STAG1: variants seen among roughly 807,000 people sequenced by gnomAD.
The protein encoded by STAG1 is STAG1 cohesin complex component.
STAG1 carries 26 observed loss-of-function variants against 170.9 expected under a neutral mutation model. The observed-to-expected ratio is 0.15, with a 90% CI of 0.11 to 0.21. The LOEUF is 0.21. Ranked by LOEUF, STAG1 falls within the 10% of genes least tolerant of loss-of-function variation. The pLI, the probability that STAG1 is intolerant of heterozygous loss-of-function variation, is 1.00. For synonymous variants in STAG1, 514 were observed against 497.7 expected, an observed-to-expected ratio of 1.03 and a Z score of -0.44; for missense variants, 964 against 1,509.5, an observed-to-expected ratio of 0.64 and a Z score of 5.99.
intron 6 of STAG1, among the ~76,000 whole-genome samples, chr3:136,523,183 C>A (rs1430176570): frequency 6.6e-6 from 1 of 152,154 alleles, no homozygotes; most frequent in Non-Finnish European, 1.5e-5. Flanking sequence ...ACAGTCCCAA[C>A]AACAGTGTAA....
rs545651497 is a variant in STAG1 at position 136,521,941 on chromosome 3, A to C, written c.472-524T>G. Among the ~76,000 whole-genome samples, 5 of 152,302 alleles carry C rather than the reference A, an allele frequency of 3.3e-5. No individual in the cohort carries two copies. In the South Asian group the frequency reaches 1.0e-3, roughly 32 times the overall value. On this transcript the variant is annotated intron_variant, in intron 6 of 33. Transcript: ENST00000383202. Reference sequence around the variant, plus strand: ...CCAAATTTCCTCAAATTTTACTATGAACTTCATTTTAATACCACTTCATAC... The same window carrying C: ...CCAAATTTCCTCAAATTTTACTATGCACTTCATTTTAATACCACTTCATAC...
At chr3:136,476,938 T>A (rs187926298) in intron 10 of STAG1, among the ~76,000 whole-genome samples, 17 of 151,968 alleles carry the variant, frequency 1.1e-4, no homozygotes, top group Admixed American at 3.3e-4. Flanking sequence ...TCCTAGAAAA[T>A]TTTTTTTAAA....
At chr3:136,642,384 G>T (rs369635924) in intron 1 of STAG1, among the ~76,000 whole-genome samples, 28 of 142,522 alleles carry the variant, frequency 2.0e-4, no homozygotes, top group Admixed American at 1.5e-3. Flanking sequence ...CAATTCTCCT[G>T]CCTCAGACTC....
intron 6 of STAG1, among the ~76,000 whole-genome samples, chr3:136,532,574 C>G (rs1935427333): frequency 6.6e-6 from 1 of 152,076 alleles, no homozygotes; most frequent in South Asian, 2.1e-4. Flanking sequence ...ACACCATGAT[C>G]AAGCAAAATT....
chr3:136,677,177 A>G (rs910531911), intron 1 of STAG1, among the ~76,000 whole-genome samples: 1 of 152,230 alleles, frequency 6.6e-6, no homozygotes, highest in African/African-American at 2.4e-5. Flanking sequence ...ATAGTCATTT[A>G]TTATCAAGTA....
chr3:136,377,565 G>T, intron 23 of STAG1, 95 bp downstream of exon 23: 1 of 900,878 alleles, frequency 1.1e-6, no homozygotes, highest in Non-Finnish European at 1.8e-6. Flanking sequence ...GAATGAACAT[G>T]TGTACAAAAA....
chr3:136,466,891 T>C (rs1042762723), intron 12 of STAG1, among the ~76,000 whole-genome samples: 1 of 152,232 alleles, frequency 6.6e-6, no homozygotes, highest in Non-Finnish European at 1.5e-5. Flanking sequence ...GAATTTCATA[T>C]GCAGCCAAAC....
In STAG1 at chr3:136,750,190, ATTTTT is replaced by A. The variant is rs577436834; in HGVS notation, c.-84+2000_-84+2004del. Among the ~76,000 whole-genome samples, 515 of 152,186 alleles carry A rather than the reference ATTTTT, an allele frequency of 3.4e-3. 1 individual carries two copies. The highest frequency in any genetic ancestry group is 0.02 in the Middle Eastern group (6 of 294). On this transcript the variant is annotated intron_variant, in intron 1 of 33. Transcript: ENST00000383202. ...TAAGATACTATCCCCATTTTATTTT[ATTTTT>A]TTAAAGAGATGGAGTCTTGTATGTT...
At chr3:136,726,941 C>T (rs1239335419) in intron 1 of STAG1, among the ~76,000 whole-genome samples, 1 of 152,112 alleles carries the variant, frequency 6.6e-6, no homozygotes. Flanking sequence ...GCCATTTCTG[C>T]TAAAAAGATT....
chr3:136,387,965 T>C (rs937382720), intron 22 of STAG1, among the ~76,000 whole-genome samples: 1 of 152,160 alleles, frequency 6.6e-6, no homozygotes, highest in East Asian at 1.9e-4. Flanking sequence ...AAAATTCAGA[T>C]GGAGGACTAA....
intron 16 of STAG1, among the ~76,000 whole-genome samples, chr3:136,431,212 CT>C (rs1284307914): frequency 6.6e-6 from 1 of 151,510 alleles, no homozygotes; most frequent in Non-Finnish European, 1.5e-5. Flanking sequence ...CCCATTCCTT[CT>C]TTTTTCATTC....
chr3:136,695,300 T>TGATGCATGCTA (rs1290237829), intron 1 of STAG1, among the ~76,000 whole-genome samples: 1 of 80,484 alleles, frequency 1.2e-5, no homozygotes, highest in African/African-American at 1.3e-4. Flanking sequence ...CAGCTATGTG[T>TGATGCATGCTA]GGTGGTGCAG....
At chr3:136,398,058 T>C (rs1360659364) in intron 22 of STAG1, among the ~76,000 whole-genome samples, 6 of 151,964 alleles carry the variant, frequency 3.9e-5, no homozygotes, top group Non-Finnish European at 7.4e-5. Flanking sequence ...GCGATTCTCC[T>C]GCCTCAGCCT....
At chr3:136,636,656 T>C (rs911523365) in intron 1 of STAG1, among the ~76,000 whole-genome samples, 1 of 152,190 alleles carries the variant, frequency 6.6e-6, no homozygotes, top group African/African-American at 2.4e-5. Context: ...AATAGTTAAG[T>C]TCCTACAGCA....
chr3:136,349,294 G>A lies in STAG1; in HGVS notation c.3135C>T (p.Leu1045=). 2 of 1,613,992 alleles carry A rather than the reference G, an allele frequency of 1.2e-6. No individual in the cohort carries two copies. The highest frequency in any genetic ancestry group is 4.5e-5 in the East Asian group (2 of 44,874). The stretch of plus-strand genomic sequence containing the variant: ...TGACTAATGAATTTCTATAGGAGAT[G>A]AGTGGAAGCCATACATCCTCCCTCC... The part of the protein sequence containing the change: ...MERREDVWLP[L]ISYRNSLVTG... Residue 1045 remains leucine, a synonymous_variant, in exon 29 of 34, where the codon CTC becomes CTT. Coordinates refer to ENST00000383202, the MANE Select transcript of STAG1 (RefSeq NM_005862.3).
intron 5 of STAG1, among the ~76,000 whole-genome samples, chr3:136,567,458 T>C (rs1327751811): frequency 6.6e-6 from 1 of 152,230 alleles, no homozygotes; most frequent in Non-Finnish European, 1.5e-5. Context: ...TTTGCCTTTC[T>C]CATCCTTCTA....
chr3:136,709,254 C>T (rs1943317699), intron 1 of STAG1, among the ~76,000 whole-genome samples: 2 of 151,756 alleles, frequency 1.3e-5, no homozygotes, highest in Non-Finnish European at 2.9e-5. Flanking sequence ...CATGCCACTG[C>T]ACTCCAGCCT....
At chr3:136,655,538 G>A (rs567604182) in intron 1 of STAG1, among the ~76,000 whole-genome samples, 1 of 152,318 alleles carries the variant, frequency 6.6e-6, no homozygotes, top group South Asian at 2.1e-4. Flanking sequence ...CAAGGCAGGT[G>A]GATCAGCTGA....
intron 2 of STAG1, among the ~76,000 whole-genome samples, chr3:136,629,522 C>T (rs971187987): frequency 1.3e-4 from 19 of 151,618 alleles, no homozygotes; most frequent in African/African-American, 4.6e-4. Context: ...ATATCATGCT[C>T]AGGTACAGGG....
Sources: allele counts gnomAD v4.1 joint callset (sites outside exome capture counted in the v4.1 genomes callset), GRCh38; gene constraint gnomAD v4.1.1; transcripts MANE v1.5; gene names NCBI Gene and HGNC (gene_info 2026-07-23, HGNC 2026-07-21).